The following AGBL4 variants were observed in gnomAD, a reference collection of about 807,000 sequenced individuals.
AGBL4 encodes the protein cytosolic carboxypeptidase 6.
A neutral mutation model predicts 66.4 loss-of-function variants in AGBL4; 58 were observed. The observed-to-expected ratio is 0.87, with a 90% confidence interval of 0.71 to 1.09. The LOEUF (loss-of-function observed/expected upper bound fraction) is 1.09, where lower values mean the gene tolerates loss of function less well. Ranked by LOEUF, AGBL4 falls within the 50% of genes least tolerant of loss-of-function variation. The probability of loss-of-function intolerance (pLI) is 0.00; values close to 1 mark genes in which losing one functional copy is unlikely to be tolerated. For synonymous variants in AGBL4, 234 were observed against 222.9 expected, an observed-to-expected ratio of 1.05 and a Z score of -0.44; for missense variants, 579 against 631.0, an observed-to-expected ratio of 0.92 and a Z score of 0.88.
chr1:49,483,162 T>C (rs1003452775), intron 3 of AGBL4, among the ~76,000 whole-genome samples: 4 of 152,106 alleles, frequency 2.6e-5, no homozygotes, highest in Non-Finnish European at 5.9e-5. Flanking sequence ...AGGTCTTGAA[T>C]ATCTTTGTTA....
At chr1:49,277,650 T>A (rs905619623) in intron 3 of AGBL4, among the ~76,000 whole-genome samples, 2 of 151,566 alleles carry the variant, frequency 1.3e-5, no homozygotes, top group Non-Finnish European at 2.9e-5. Context: ...CCAAAAAATA[T>A]GCTTCTTTCA....
At chr1:48,903,518 G>C (rs1204963604) in intron 5 of AGBL4, among the ~76,000 whole-genome samples, 2 of 152,186 alleles carry the variant, frequency 1.3e-5, no homozygotes, top group Non-Finnish European at 2.9e-5. Context: ...CAGCTCAATG[G>C]GAGACTCTTA....
intron 3 of AGBL4, among the ~76,000 whole-genome samples, chr1:49,649,906 AT>A (rs1457420312): frequency 6.6e-6 from 1 of 152,192 alleles, no homozygotes; most frequent in African/African-American, 2.4e-5. Flanking sequence ...TAGGTAAAAA[AT>A]ATCAAGAGAA....
At chr1:48,956,260 G>A (rs1265204872) in intron 5 of AGBL4, among the ~76,000 whole-genome samples, 1 of 152,156 alleles carries the variant, frequency 6.6e-6, no homozygotes, top group African/African-American at 2.4e-5. Flanking sequence ...CCAGTACATA[G>A]ACATGCCAAC....
chr1:48,540,180 C>T (rs1250000888), intron 11 of AGBL4, among the ~76,000 whole-genome samples: 1 of 152,160 alleles, frequency 6.6e-6, no homozygotes, highest in Non-Finnish European at 1.5e-5. Context: ...CTGCTTGACC[C>T]TTAGGGCTCA....
chr1:49,044,161 A>C (rs1466044394), intron 5 of AGBL4, among the ~76,000 whole-genome samples: 1 of 152,184 alleles, frequency 6.6e-6, no homozygotes, highest in Non-Finnish European at 1.5e-5. Flanking sequence ...TCCACTATGA[A>C]GAACAACTTC....
chr1:49,256,419 T>G (rs1184294888), intron 3 of AGBL4, among the ~76,000 whole-genome samples: 1 of 152,132 alleles, frequency 6.6e-6, no homozygotes, highest in Non-Finnish European at 1.5e-5. Flanking sequence ...AAAATAAAAT[T>G]TTATTGTGAT....
rs755112790 is a variant in AGBL4 at position 49,484,607 on chromosome 1, G to A, written c.282+212706C>T. ...AGGATGATTATCAGAGGCTGGAAAGGGCAGGGCGGTACAGGGATGGGGTGG... is the reference window on the plus strand; with the variant it reads ...AGGATGATTATCAGAGGCTGGAAAGAGCAGGGCGGTACAGGGATGGGGTGG... On this transcript the variant is annotated intron_variant, in intron 3 of 13. Transcript: ENST00000371839. Among the ~76,000 whole-genome samples the A allele has an allele frequency of 1.1e-3, 161 of 152,052 alleles. 2 individuals carry two copies. The highest frequency in any genetic ancestry group is 7.9e-4 in the Non-Finnish European group (54 of 67,934).
rs200728639 is a variant in AGBL4, at chr1:48,627,471, GT to G, written c.951+7021del. Among the ~76,000 whole-genome samples the G allele has an allele frequency of 9.3e-3, 1,410 of 151,866 alleles. 15 individuals carry two copies. Among genetic ancestry groups the G allele is most frequent in the Middle Eastern group, 0.017 (5 of 294 alleles). On this transcript the variant is annotated intron_variant, in intron 9 of 13. Transcript: ENST00000371839. ...GTGAATGAGTGCTGGTTCTGTGTGT[GT>G]TATTTGACCATGTCACCAGCTGCTC...
At chr1:49,322,492 G>GA (rs1248124971) in intron 3 of AGBL4, among the ~76,000 whole-genome samples, 1 of 151,720 alleles carries the variant, frequency 6.6e-6, no homozygotes, top group South Asian at 2.1e-4. Flanking sequence ...TACCTTATTT[G>GA]AAAAAAGGGT....
intron 3 of AGBL4, among the ~76,000 whole-genome samples, chr1:49,568,479 A>G (rs751797722): frequency 9.8e-5 from 13 of 133,198 alleles, no homozygotes; most frequent in Non-Finnish European, 1.5e-4. Context: ...GCTCAAAGAA[A>G]TAAGTGATCA....
intron 6 of AGBL4, among the ~76,000 whole-genome samples, chr1:48,759,889 T>G (rs951815785): frequency 6.6e-6 from 1 of 152,198 alleles, no homozygotes; most frequent in Non-Finnish European, 1.5e-5. Context: ...GCCTACTCAC[T>G]CAGAACTGGC....
At chr1:48,816,074 T>TA (rs1646167961) in intron 6 of AGBL4, among the ~76,000 whole-genome samples, 1 of 150,472 alleles carries the variant, frequency 6.6e-6, no homozygotes, top group African/African-American at 2.5e-5. Context: ...TGTGTGTGTG[T>TA]GTGTGTGTGT....
chr1:49,780,306 A>G, intron 2 of AGBL4, among the ~76,000 whole-genome samples: 1 of 152,194 alleles, frequency 6.6e-6, no homozygotes, highest in Non-Finnish European at 1.5e-5. Flanking sequence ...TATAATACAT[A>G]CAAAGGTAAT....
intron 3 of AGBL4, among the ~76,000 whole-genome samples, chr1:49,685,372 T>C (rs1465263248): frequency 6.6e-6 from 1 of 152,200 alleles, no homozygotes; most frequent in East Asian, 1.9e-4. Context: ...TATGTGTGCA[T>C]GTGTCTTTAT....
chr1:49,251,433 T>A (rs1241903881), intron 3 of AGBL4, among the ~76,000 whole-genome samples: 1 of 152,112 alleles, frequency 6.6e-6, no homozygotes, highest in African/African-American at 2.4e-5. Flanking sequence ...CCCCTGCCAG[T>A]GCCCCACCCT....
At chr1:49,321,820 G>A (rs1341127319) in intron 3 of AGBL4, among the ~76,000 whole-genome samples, 1 of 152,156 alleles carries the variant, frequency 6.6e-6, no homozygotes, top group Non-Finnish European at 1.5e-5. Context: ...TTGCATTCAG[G>A]TGGGGTAATG....
chr1:49,196,958 G>T (rs1316885959), intron 4 of AGBL4, among the ~76,000 whole-genome samples: 1 of 152,076 alleles, frequency 6.6e-6, no homozygotes, highest in Non-Finnish European at 1.5e-5. Context: ...CTCTCAAGTA[G>T]TTGGAACTAC....
At chr1:49,310,862 A>G (rs1037758325) in intron 3 of AGBL4, among the ~76,000 whole-genome samples, 2 of 152,022 alleles carry the variant, frequency 1.3e-5, no homozygotes, top group Non-Finnish European at 2.9e-5. Context: ...TTATTCCCCA[A>G]ACTAGGAATA....
Sources: allele counts gnomAD v4.1 joint callset (sites outside exome capture counted in the v4.1 genomes callset), GRCh38; gene constraint gnomAD v4.1.1; transcripts MANE v1.5; gene names NCBI Gene and HGNC (gene_info 2026-07-23, HGNC 2026-07-21).